The following PIGU variants were observed in gnomAD, a reference collection of about 807,000 sequenced individuals.
The protein encoded by PIGU is GPI-anchor transamidase component PIGU.
PIGU carries 24 observed loss-of-function variants against 49.9 expected under a neutral mutation model. The observed-to-expected ratio is 0.48, with a 90% CI of 0.35 to 0.68. PIGU has a LOEUF of 0.68. Among genes scored for constraint, PIGU ranks in the 30% least tolerant of loss-of-function variants. The probability of loss-of-function intolerance (pLI) is 0.01; values close to 1 mark genes in which losing one functional copy is unlikely to be tolerated. For synonymous variants in PIGU, 220 were observed against 205.7 expected (o/e 1.07, Z -0.59); for missense variants, 490 against 532.6 (o/e 0.92, Z 0.79).
At chr20:34,632,002 G>A (rs1022972341) in intron 6 of PIGU, among the ~76,000 whole-genome samples, 1 of 149,692 alleles carries the variant, frequency 6.7e-6, no homozygotes, top group African/African-American at 2.5e-5. Context: ...ACCACACCTG[G>A]CTAATTTTGC....
chr20:34,655,480 G>A (rs1986674681), intron 2 of PIGU, among the ~76,000 whole-genome samples: 1 of 120,618 alleles, frequency 8.3e-6, no homozygotes, highest in African/African-American at 3.1e-5. Context: ...GAGCATCCTG[G>A]CTAATATGAT....
chr20:34,566,325 GCT>G (rs1175950183), intron 11 of PIGU, among the ~76,000 whole-genome samples: 2 of 152,370 alleles, frequency 1.3e-5, no homozygotes, highest in African/African-American at 4.8e-5. Flanking sequence ...CACAGGGCCA[GCT>G]CTCTCTGAGT....
At chr20:34,566,024 ACAG>A (rs1426801375) in intron 11 of PIGU, among the ~76,000 whole-genome samples, 1 of 151,840 alleles carries the variant, frequency 6.6e-6, no homozygotes, top group Non-Finnish European at 1.5e-5. Flanking sequence ...GCTCACACAC[ACAG>A]ATGCACACAC....
At chr20:34,606,797 T>C (rs1436157893) in intron 7 of PIGU, among the ~76,000 whole-genome samples, 2 of 152,238 alleles carry the variant, frequency 1.3e-5, no homozygotes, top group African/African-American at 4.8e-5. Flanking sequence ...TCTCTTACTC[T>C]GTCACCCAGG....
At chr20:34,659,362 C>A (rs1164809045) in intron 1 of PIGU, among the ~76,000 whole-genome samples, 1 of 147,764 alleles carries the variant, frequency 6.8e-6, no homozygotes, top group Non-Finnish European at 1.5e-5. Flanking sequence ...CGCCTCTGCC[C>A]GGCCGCCCCT....
rs989524140 is a variant in PIGU at position 34,572,526 on chromosome 20, C to T, written c.1194+2578G>A. 7.9e-5 allele frequency among the ~76,000 whole-genome samples: 12 copies of T among 152,196 alleles called. No individual in the cohort carries two copies. In the South Asian group the frequency reaches 1.7e-3, roughly 21 times the overall value. The stretch of plus-strand genomic sequence containing the variant: ...AAAATTAGGCGGGCATGGTAGTGCA[C>T]GCCTATAATCCTGGCTACTCAGGAG... On this transcript the variant is annotated intron_variant, in intron 11 of 11. Coordinates refer to ENST00000217446, the MANE Select transcript of PIGU (RefSeq NM_080476.5).
Position 34,614,414 on chromosome 20 carries a change from C to T in PIGU, c.627+1628G>A, listed in dbSNP as rs138926040. On this transcript the variant is annotated intron_variant, in intron 7 of 11. Transcript: ENST00000217446. ...CCAAAGTGGGTGGGTGGATGGATTGCGTGAACCCAAGAATTCGAGACCAGT... is the reference window on the plus strand; with the variant it reads ...CCAAAGTGGGTGGGTGGATGGATTGTGTGAACCCAAGAATTCGAGACCAGT... 4.7e-3 allele frequency among the ~76,000 whole-genome samples: 714 copies of T among 151,912 alleles called. 9 individuals carry two copies. Among genetic ancestry groups the T allele is most frequent in the African/African-American group, 0.017 (691 of 41,432 alleles).
intron 7 of PIGU, among the ~76,000 whole-genome samples, chr20:34,591,959 G>A (rs1023135984): frequency 1.2e-4 from 18 of 152,156 alleles, no homozygotes; most frequent in African/African-American, 2.7e-4. Context: ...AGGCCGAAGC[G>A]GGTGGATCGC....
chr20:34,630,403 C>T (rs1319968138), intron 6 of PIGU, among the ~76,000 whole-genome samples: 1 of 152,148 alleles, frequency 6.6e-6, no homozygotes, highest in African/African-American at 2.4e-5. Flanking sequence ...CTTATGCACC[C>T]TCCACCCCAC....
At chr20:34,570,265 C>T (rs868642298) in intron 11 of PIGU, among the ~76,000 whole-genome samples, 4 of 152,182 alleles carry the variant, frequency 2.6e-5, no homozygotes, top group Admixed American at 2.6e-4. Flanking sequence ...TACCCACATA[C>T]AAATAAGCCT....
At chr20:34,600,735 CT>C (rs1568633734) in intron 7 of PIGU, among the ~76,000 whole-genome samples, 1 of 152,012 alleles carries the variant, frequency 6.6e-6, no homozygotes, top group African/African-American at 2.4e-5. Context: ...ATCAAGTAGG[CT>C]GTTAAAAGCA....
intron 11 of PIGU, among the ~76,000 whole-genome samples, chr20:34,574,553 C>A (rs938013932): frequency 6.6e-6 from 1 of 152,158 alleles, no homozygotes; most frequent in Admixed American, 6.5e-5. Flanking sequence ...CTCTCCACCG[C>A]TCCCAGCCAC....
intron 1 of PIGU, among the ~76,000 whole-genome samples, chr20:34,657,493 T>C (rs1169254224): frequency 6.6e-6 from 1 of 152,200 alleles, no homozygotes; most frequent in Admixed American, 6.5e-5. Flanking sequence ...TTCCTTTTAG[T>C]TCCTTGTAAC....
intron 1 of PIGU, among the ~76,000 whole-genome samples, chr20:34,670,714 A>G (rs1374533383): frequency 2.0e-5 from 3 of 151,506 alleles, no homozygotes; most frequent in African/African-American, 7.3e-5. Context: ...TAATTTTTGT[A>G]TTTCTTTTTT....
chr20:34,597,167 G>A (rs1313922492), intron 7 of PIGU, among the ~76,000 whole-genome samples: 1 of 152,064 alleles, frequency 6.6e-6, no homozygotes, highest in African/African-American at 2.4e-5. Context: ...AAAATGTTAA[G>A]TCCACAAAAA....
chr20:34,569,536 A>C (rs572601100), intron 11 of PIGU, among the ~76,000 whole-genome samples: 195 of 152,280 alleles, frequency 1.3e-3, no homozygotes, highest in Middle Eastern at 3.4e-3. Context: ...CGGCCTACTA[A>C]AATAAAATTT....
chr20:34,644,686 A>G (rs1986275775), intron 3 of PIGU, among the ~76,000 whole-genome samples: 1 of 152,146 alleles, frequency 6.6e-6, no homozygotes, highest in Non-Finnish European at 1.5e-5. Context: ...CTCTCAAAAC[A>G]TAGACCTGTC....
intron 2 of PIGU, among the ~76,000 whole-genome samples, chr20:34,653,821 C>G (rs1475690126): frequency 3.3e-5 from 5 of 151,794 alleles, no homozygotes; most frequent in Non-Finnish European, 7.4e-5. Flanking sequence ...AAAGGATAAG[C>G]ATAAGATTCT....
intron 1 of PIGU, among the ~76,000 whole-genome samples, chr20:34,665,670 T>G (rs2146793260): frequency 6.6e-6 from 1 of 152,238 alleles, no homozygotes; most frequent in African/African-American, 2.4e-5. Context: ...ACATTTAGTT[T>G]TAATGATAAA....
Sources: gnomAD v4.1 joint callset for allele counts (sites outside exome capture counted in the v4.1 genomes callset) on GRCh38, gnomAD v4.1.1 for gene constraint, MANE v1.5 for transcripts, NCBI Gene and HGNC (gene_info 2026-07-23, HGNC 2026-07-21) for gene names.